CADM2: variants seen among roughly 807,000 people sequenced by gnomAD.
CADM2 encodes cell adhesion molecule 2, also known as immunoglobulin superfamily member 4D.
Under a neutral mutation model 49.8 loss-of-function variants are expected in CADM2, and 12 were observed. That is an observed-to-expected ratio of 0.24 (90% CI 0.15 to 0.39). The LOEUF is 0.39. Ranked by LOEUF, CADM2 falls within the 10% of genes least tolerant of loss-of-function variation. The pLI is 1.00. For synonymous variants in CADM2, 214 were observed against 175.4 expected (o/e 1.22, Z -1.74); for missense variants, 378 against 492.3 (o/e 0.77, Z 2.20).
chr3:85,388,042 A>G (rs1412708422), intron 1 of CADM2, among the ~76,000 whole-genome samples: 1 of 152,142 alleles, frequency 6.6e-6, no homozygotes, highest in Non-Finnish European at 1.5e-5. Flanking sequence ...GTACAGGCAA[A>G]TGTTTAGTTA....
At chr3:85,970,058 C>T (rs1178151147) in intron 8 of CADM2, among the ~76,000 whole-genome samples, 1 of 148,778 alleles carries the variant, frequency 6.7e-6, no homozygotes, top group Non-Finnish European at 1.5e-5. Flanking sequence ...AATTGATATT[C>T]CTTGGTCACC....
At chr3:85,670,122 A>T (rs2065693494) in intron 1 of CADM2, among the ~76,000 whole-genome samples, 1 of 152,148 alleles carries the variant, frequency 6.6e-6, no homozygotes. Flanking sequence ...TTTACATTAC[A>T]AATACTTGTG....
intron 1 of CADM2, among the ~76,000 whole-genome samples, chr3:85,234,764 T>C (rs998556365): frequency 2.6e-5 from 4 of 152,152 alleles, no homozygotes; most frequent in Non-Finnish European, 5.9e-5. Flanking sequence ...GTAGTAGTAC[T>C]CTCCAGAGTA....
At chr3:85,572,474 G>A (rs949657904) in intron 1 of CADM2, among the ~76,000 whole-genome samples, 1 of 152,032 alleles carries the variant, frequency 6.6e-6, no homozygotes, top group Non-Finnish European at 1.5e-5. Context: ...ACAGAGAGAG[G>A]GGAGACGGGG....
At chr3:85,905,577 T>G (rs914731361) in intron 5 of CADM2, among the ~76,000 whole-genome samples, 28 of 151,254 alleles carry the variant, frequency 1.9e-4, no homozygotes, top group African/African-American at 6.8e-4. Context: ...CTAAAACCTA[T>G]AGAGAAATAT....
chr3:85,287,167 T>G (rs1379148816), intron 1 of CADM2, among the ~76,000 whole-genome samples: 2 of 152,126 alleles, frequency 1.3e-5, no homozygotes, highest in Non-Finnish European at 2.9e-5. Context: ...AAACATCAAA[T>G]CAGCAAGGAG....
At chr3:85,806,832 G>A (rs2072463492) in intron 3 of CADM2, among the ~76,000 whole-genome samples, 1 of 152,112 alleles carries the variant, frequency 6.6e-6, no homozygotes, top group South Asian at 2.1e-4. Context: ...GGGGGAATTG[G>A]CTAAGGTGAA....
intron 1 of CADM2, among the ~76,000 whole-genome samples, chr3:85,136,986 G>T (rs74480079): frequency 1.2e-4 from 18 of 151,910 alleles, no homozygotes; most frequent in African/African-American, 4.3e-4. Flanking sequence ...GAAGTACCAA[G>T]AACAATTACG....
At chr3:86,006,774 C>G (rs1432692029) in intron 8 of CADM2, among the ~76,000 whole-genome samples, 15 of 152,100 alleles carry the variant, frequency 9.9e-5, no homozygotes. Flanking sequence ...GGCGTGGTGG[C>G]TCACACCTGT....
At chr3:86,043,258 G>A (rs1012627887) in intron 8 of CADM2, among the ~76,000 whole-genome samples, 3 of 151,872 alleles carry the variant, frequency 2.0e-5, no homozygotes, top group Non-Finnish European at 4.4e-5. Context: ...AGAAATGAAG[G>A]GTATTCAGTT....
At chr3:85,699,130 A>T (rs2066665579) in intron 1 of CADM2, among the ~76,000 whole-genome samples, 1 of 151,954 alleles carries the variant, frequency 6.6e-6, no homozygotes, top group African/African-American at 2.4e-5. Context: ...ATCTCCTTTG[A>T]CTCCATGTCC....
Position 85,209,210 on chromosome 3 carries a change from C to A in CADM2, c.61+249542C>A, listed in dbSNP as rs575007201. 8.5e-5 allele frequency among the ~76,000 whole-genome samples: 13 copies of A among 152,192 alleles called. No individual in the cohort carries two copies. The South Asian group carries it at 2.7e-3, about 32-fold the overall frequency. On this transcript the variant is annotated intron_variant, in intron 1 of 9. Coordinates refer to ENST00000383699, the MANE Select transcript of CADM2 (RefSeq NM_001167675.2). ...TCTTCAAAAAGATATTTAAGATCTA[C>A]AATTTTAGGCTTCTCAAGTAGACAG...
intron 1 of CADM2, among the ~76,000 whole-genome samples, chr3:85,213,195 C>T (rs2041842313): frequency 6.6e-6 from 1 of 151,922 alleles, no homozygotes; most frequent in African/African-American, 2.4e-5. Flanking sequence ...CAGGTATTTT[C>T]TTATTGGTCA....
At chr3:85,882,378 A>G (rs1417975325) in intron 3 of CADM2, among the ~76,000 whole-genome samples, 1 of 152,122 alleles carries the variant, frequency 6.6e-6, no homozygotes, top group Non-Finnish European at 1.5e-5. Flanking sequence ...ATCAGCAATA[A>G]AAATGAGTCT....
intron 8 of CADM2, chr3:86,014,586 G>C (rs1229105176): frequency 3.1e-6 from 5 of 1,600,180 alleles, no homozygotes; most frequent in Non-Finnish European, 4.3e-6. Context: ...CCCAACAGTG[G>C]AGCACATTAT....
chr3:85,751,325 C>T (rs2068851278), intron 2 of CADM2, among the ~76,000 whole-genome samples: 1 of 152,078 alleles, frequency 6.6e-6, no homozygotes, highest in Non-Finnish European at 1.5e-5. Flanking sequence ...AAACAGTTTT[C>T]ATTTGTTTTC....
chr3:85,104,810 G>C (rs77848499), intron 1 of CADM2, among the ~76,000 whole-genome samples: 1 of 151,500 alleles, frequency 6.6e-6, no homozygotes, highest in East Asian at 1.9e-4. Context: ...GGATTCCTAG[G>C]TATTTTATTC....
chr3:85,308,429 G>A (rs2044268305), intron 1 of CADM2, among the ~76,000 whole-genome samples: 1 of 151,410 alleles, frequency 6.6e-6, no homozygotes, highest in African/African-American at 2.4e-5. Context: ...CTGAACAATA[G>A]GAATTTATTC....
At chr3:85,171,139 A>T (rs2040614948) in intron 1 of CADM2, among the ~76,000 whole-genome samples, 1 of 152,198 alleles carries the variant, frequency 6.6e-6, no homozygotes, top group Non-Finnish European at 1.5e-5. Flanking sequence ...AATAACCTGA[A>T]GTTATTCACA....
Sources: allele counts gnomAD v4.1 joint callset (sites outside exome capture counted in the v4.1 genomes callset), GRCh38; gene constraint gnomAD v4.1.1; transcripts MANE v1.5; gene names NCBI Gene and HGNC (gene_info 2026-07-23, HGNC 2026-07-21).